Variants in CSMD1 observed in about 807,000 individuals in gnomAD.
The protein encoded by CSMD1 is CUB and sushi domain-containing protein 1.
A neutral mutation model predicts 417.5 loss-of-function variants in CSMD1; 213 were observed. That is an observed-to-expected ratio of 0.51 (90% CI 0.46 to 0.57). The LOEUF is 0.57. Ranked by LOEUF, CSMD1 falls within the 20% of genes least tolerant of loss-of-function variation. CSMD1 has a pLI of 0.00. For missense variants in CSMD1, 6,923 were observed against 4,529.7 expected (o/e 1.53, Z -15.17); for synonymous variants, 2,862 against 1,736.8 (o/e 1.65, Z -16.11).
At chr8:3,559,485 A>G (rs1799375306) in intron 10 of CSMD1, among the ~76,000 whole-genome samples, 1 of 151,266 alleles carries the variant, frequency 6.6e-6, no homozygotes, top group African/African-American at 2.5e-5. Flanking sequence ...TAAAATTTAA[A>G]GGCACCGTGA....
At chr8:4,012,161 G>C (rs1420762728) in intron 4 of CSMD1, among the ~76,000 whole-genome samples, 1 of 152,022 alleles carries the variant, frequency 6.6e-6, no homozygotes, top group East Asian at 1.9e-4. Context: ...ATTGAAACTG[G>C]ATGCAGAACC....
rs1366154648 is a variant in CSMD1 at position 4,199,494 on chromosome 8, G to C, written c.416-167395C>G. Among the ~76,000 whole-genome samples the C allele has an allele frequency of 5.9e-5, 9 of 152,280 alleles. 1 individual carries two copies. In the South Asian group the frequency reaches 6.2e-4, roughly 11 times the overall value. ...AATTAAAAAGGCAAATAGGAATATG[G>C]TGTAAAATGTCAATTTTCATTTAAA... On this transcript the variant is annotated intron_variant, in intron 3 of 69. Transcript: ENST00000635120.
chr8:4,062,653 G>C (rs964659573), intron 3 of CSMD1, among the ~76,000 whole-genome samples: 1 of 151,812 alleles, frequency 6.6e-6, no homozygotes, highest in Non-Finnish European at 1.5e-5. Context: ...CAGTAGTCAC[G>C]TGCAGAAACA....
At chr8:4,401,286 C>G (rs555052392) in intron 3 of CSMD1, among the ~76,000 whole-genome samples, 1 of 152,224 alleles carries the variant, frequency 6.6e-6, no homozygotes, top group African/African-American at 2.4e-5. Context: ...GTAATCAAGT[C>G]AAAGTGCTTT....
chr8:4,229,218 C>G (rs1413331791), intron 3 of CSMD1, among the ~76,000 whole-genome samples: 1 of 152,166 alleles, frequency 6.6e-6, no homozygotes, highest in Non-Finnish European at 1.5e-5. Context: ...CAAATCAGCA[C>G]ATTGGCCAAT....
chr8:3,884,276 T>A (rs1241555367), intron 5 of CSMD1, among the ~76,000 whole-genome samples: 1 of 152,220 alleles, frequency 6.6e-6, no homozygotes, highest in Non-Finnish European at 1.5e-5. Context: ...CAACTTAACA[T>A]ACAATGGCCA....
At position 3,202,083 on chromosome 8, in the gene CSMD1, G is replaced by C. The variant is rs551651532; in HGVS notation, c.4985-358C>G. On this transcript the variant is annotated intron_variant, in intron 31 of 69. Coordinates refer to ENST00000635120, the MANE Select transcript of CSMD1 (RefSeq NM_033225.6). The stretch of plus-strand genomic sequence containing the variant: ...TTTGGGAGGCTGAGGCAGGAGAATG[G>C]CTTGAACCTGGAAGGCGAAGGTTGC... Among the ~76,000 whole-genome samples, 42 of 152,128 alleles carry C rather than the reference G, an allele frequency of 2.8e-4. 1 individual carries two copies. The highest frequency in any genetic ancestry group is 5.7e-4 in the Non-Finnish European group (39 of 68,022).
At chr8:4,054,523 T>C (rs564774585) in intron 3 of CSMD1, among the ~76,000 whole-genome samples, 7 of 152,168 alleles carry the variant, frequency 4.6e-5, no homozygotes, top group African/African-American at 1.4e-4. Flanking sequence ...CCCTACCTCA[T>C]CCAATTATCA....
At chr8:4,404,926 T>C (rs34325842) in intron 3 of CSMD1, among the ~76,000 whole-genome samples, 3,826 of 152,312 alleles carry the variant, frequency 0.025, 65 homozygotes, top group Middle Eastern at 0.048. Flanking sequence ...ATGATGTCAG[T>C]CATCCGATAT....
At chr8:4,799,363 G>C (rs1585118341) in intron 1 of CSMD1, among the ~76,000 whole-genome samples, 1 of 151,748 alleles carries the variant, frequency 6.6e-6, no homozygotes, top group East Asian at 1.9e-4. Context: ...AGTAATTTTA[G>C]CCCTAGATCA....
At chr8:3,981,347 A>C (rs1813847505) in intron 5 of CSMD1, among the ~76,000 whole-genome samples, 2 of 152,072 alleles carry the variant, frequency 1.3e-5, no homozygotes, top group African/African-American at 4.8e-5. Flanking sequence ...CTTCAGGGGA[A>C]GAGTGGAAGG....
intron 52 of CSMD1, among the ~76,000 whole-genome samples, chr8:3,008,156 T>G (rs1465141060): frequency 6.6e-6 from 1 of 152,134 alleles, no homozygotes; most frequent in Non-Finnish European, 1.5e-5. Context: ...AAATAGAGTA[T>G]GTCGCAAGCA....
At chr8:4,463,687 C>A (rs544842365) in intron 2 of CSMD1, among the ~76,000 whole-genome samples, 4 of 152,226 alleles carry the variant, frequency 2.6e-5, no homozygotes, top group African/African-American at 7.2e-5. Flanking sequence ...CATTAAATGT[C>A]CAGAATAGGC....
intron 5 of CSMD1, among the ~76,000 whole-genome samples, chr8:3,936,856 T>C (rs529519833): frequency 6.6e-6 from 1 of 152,300 alleles, no homozygotes; most frequent in Non-Finnish European, 1.5e-5. Flanking sequence ...TTGATGGATC[T>C]AGCTAGACAA....
intron 10 of CSMD1, among the ~76,000 whole-genome samples, chr8:3,495,822 A>G (rs1051506276): frequency 1.3e-5 from 2 of 152,180 alleles, no homozygotes; most frequent in Non-Finnish European, 2.9e-5. Context: ...CCTACAGCAT[A>G]TGCACCCTCC....
In CSMD1 at chr8:4,313,373, GAC is replaced by G. The variant is rs1194053909; in HGVS notation, c.415+106578_415+106579del. Among the ~76,000 whole-genome samples, 7 of 152,092 alleles carry G rather than the reference GAC, an allele frequency of 4.6e-5. No individual in the cohort carries two copies. In the East Asian group the frequency reaches 9.7e-4, roughly 21 times the overall value. Reference sequence around the variant, plus strand: ...GCAGACCATCATTGTCACTATGCGTGACACACACTCTGCTTTTGAGAATGCGT... The same window carrying G: ...GCAGACCATCATTGTCACTATGCGTGACACACTCTGCTTTTGAGAATGCGT... On this transcript the variant is annotated intron_variant, in intron 3 of 69. Coordinates refer to ENST00000635120, the MANE Select transcript of CSMD1 (RefSeq NM_033225.6).
rs141366098 is a variant in CSMD1, at chr8:3,213,773, G to C, written c.4867+724C>G. Among the ~76,000 whole-genome samples, 454 of 150,742 alleles carry C rather than the reference G, an allele frequency of 3.0e-3. 2 individuals carry two copies. The highest frequency in any genetic ancestry group is 0.01 in the African/African-American group (429 of 41,086). ...TGTGTGTGTATGTATATATATGTGT[G>C]TGTGTATGTATATATATGTATGAGA... is the stretch of plus-strand genomic sequence containing the variant. On this transcript the variant is annotated intron_variant, in intron 30 of 69. Coordinates refer to ENST00000635120, the MANE Select transcript of CSMD1 (RefSeq NM_033225.6).
At chr8:3,980,585 C>A (rs916725524) in intron 5 of CSMD1, among the ~76,000 whole-genome samples, 1 of 152,118 alleles carries the variant, frequency 6.6e-6, no homozygotes, top group African/African-American at 2.4e-5. Context: ...ATAGTTTCCC[C>A]CCTTGTTAAT....
At chr8:3,877,602 A>G (rs1199786344) in intron 5 of CSMD1, among the ~76,000 whole-genome samples, 1 of 152,226 alleles carries the variant, frequency 6.6e-6, no homozygotes, top group Non-Finnish European at 1.5e-5. Flanking sequence ...TCTAACAACC[A>G]GAATCCACAA....
Sources: gnomAD v4.1 joint callset for allele counts (sites outside exome capture counted in the v4.1 genomes callset) on GRCh38, gnomAD v4.1.1 for gene constraint, MANE v1.5 for transcripts, NCBI Gene and HGNC (gene_info 2026-07-23, HGNC 2026-07-21) for gene names.